The following XKR6 variants were observed in gnomAD, a reference collection of about 807,000 sequenced individuals.
The protein encoded by XKR6 is XK-related protein 6.
Under a neutral mutation model 56.7 loss-of-function variants are expected in XKR6, and 22 were observed. The ratio of observed to expected loss-of-function variants is 0.39; its 90% CI spans 0.28 to 0.55. The LOEUF (loss-of-function observed/expected upper bound fraction) is 0.55. XKR6 is among the 20% of genes least tolerant of loss of function. XKR6 has a pLI of 0.66. For synonymous variants in XKR6, 524 were observed against 387.8 expected (o/e 1.35, Z -4.13); for missense variants, 852 against 889.0 (o/e 0.96, Z 0.53).
chr8:11,012,974 A>G (rs750532059), intron 1 of XKR6, among the ~76,000 whole-genome samples: 5 of 152,178 alleles, frequency 3.3e-5, no homozygotes, highest in Non-Finnish European at 7.3e-5. Context: ...AAGAGTCATG[A>G]GAGCTCTAAC....
chr8:10,976,416 T>G (rs1470589671), intron 1 of XKR6, among the ~76,000 whole-genome samples: 1 of 151,982 alleles, frequency 6.6e-6, no homozygotes, highest in Non-Finnish European at 1.5e-5. Flanking sequence ...CCCGGAGGCA[T>G]GCAGACAGCA....
intron 1 of XKR6, among the ~76,000 whole-genome samples, chr8:11,063,659 C>G (rs969528841): frequency 5.3e-5 from 8 of 152,144 alleles, no homozygotes; most frequent in Non-Finnish European, 1.2e-4. Context: ...GGGGAGGTAC[C>G]AGTAAGGGTT....
chr8:11,108,322 A>G (rs1283478184), intron 1 of XKR6: 3 of 456,168 alleles, frequency 6.6e-6, no homozygotes, highest in African/African-American at 4.0e-5. Flanking sequence ...GTTATGAAAC[A>G]ACAGAATCCT....
chr8:10,983,332 G>A (rs1022983518), intron 1 of XKR6, among the ~76,000 whole-genome samples: 10 of 152,146 alleles, frequency 6.6e-5, no homozygotes, highest in African/African-American at 2.4e-4. Flanking sequence ...AACAGTGATC[G>A]GGAAACAACC....
chr8:10,990,683 G>T (rs1339501675), intron 1 of XKR6, among the ~76,000 whole-genome samples: 1 of 152,002 alleles, frequency 6.6e-6, no homozygotes, highest in African/African-American at 2.4e-5. Context: ...AGCTTCAAGC[G>T]ATCCTCCCAC....
chr8:10,915,201 G>C (rs759801064), intron 2 of XKR6, among the ~76,000 whole-genome samples: 5 of 152,230 alleles, frequency 3.3e-5, no homozygotes, highest in Non-Finnish European at 7.3e-5. Context: ...CAAGGGCAGG[G>C]TTTTCTGTTT....
At chr8:11,108,908 A>G (rs1798786610) in intron 1 of XKR6, 2 of 152,342 alleles carry the variant, frequency 1.3e-5, no homozygotes, top group Admixed American at 1.3e-4. Context: ...TCAATTTTCC[A>G]AAGAGTTTGT....
At chr8:11,187,659 C>T (rs1355597448) in intron 1 of XKR6, among the ~76,000 whole-genome samples, 1 of 152,098 alleles carries the variant, frequency 6.6e-6, no homozygotes, top group Non-Finnish European at 1.5e-5. Flanking sequence ...TCAGTCATAT[C>T]AAAGCACCTT....
Sources: allele counts gnomAD v4.1 joint callset (sites outside exome capture counted in the v4.1 genomes callset), GRCh38; gene constraint gnomAD v4.1.1; transcripts MANE v1.5; gene names NCBI Gene and HGNC (gene_info 2026-07-23, HGNC 2026-07-21).